NSUN4: variants seen among roughly 807,000 people sequenced by gnomAD.
NSUN4 encodes 5-cytosine rRNA methyltransferase NSUN4.
Under a neutral mutation model 43.8 loss-of-function variants are expected in NSUN4, and 31 were observed. The ratio of observed to expected loss-of-function variants is 0.71; its 90% CI spans 0.53 to 0.96. The LOEUF (loss-of-function observed/expected upper bound fraction) is 0.96, where lower values mean the gene tolerates loss of function less well. Ranked by LOEUF, NSUN4 falls within the 40% of genes least tolerant of loss-of-function variation. The pLI, the probability that NSUN4 is intolerant of heterozygous loss-of-function variation, is 0.00. For synonymous variants in NSUN4, 167 were observed against 184.1 expected (o/e 0.91, Z 0.75); for missense variants, 439 against 475.6 (o/e 0.92, Z 0.72).
rs1326461124 is a variant in NSUN4 at position 46,362,860 on chromosome 1, T to G, written c.*1014T>G. 6.6e-6 allele frequency: 1 copy of G among 152,148 alleles called. No homozygotes were observed. Among genetic ancestry groups the G allele is most frequent in the African/African-American group, 2.4e-5 (1 of 41,446 alleles). 9.4% of individuals were successfully genotyped at this position (152,148 alleles called of 1,614,324 possible). A position where few individuals can be genotyped will look rare whatever the true frequency, so the allele number is the denominator to read the frequency against. ...TGCACACACTGTGTTCAGGGCAAGA[T>G]TTCATCATTTACTGACTGCATACTC... On this transcript the variant is annotated 3_prime_UTR_variant, in exon 6 of 6. Transcript: ENST00000474844.
chr1:46,372,257 C>T, the NSUN4 span, among the ~76,000 whole-genome samples: 11 of 151,634 alleles, frequency 7.3e-5, no homozygotes, highest in African/African-American at 2.7e-4. Flanking sequence ...TCTCCTGCCT[C>T]AGCCTCCCAA....
At chr1:46,383,573 A>C in the NSUN4 span, among the ~76,000 whole-genome samples, 1 of 148,240 alleles carries the variant, frequency 6.7e-6, no homozygotes, top group Non-Finnish European at 1.5e-5. Flanking sequence ...CTCCTGCCTC[A>C]GCCTCCCGAG....
At chr1:46,377,758 G>A in the NSUN4 span, among the ~76,000 whole-genome samples, 3 of 152,098 alleles carry the variant, frequency 2.0e-5, no homozygotes, top group Non-Finnish European at 4.4e-5. Context: ...AGCATTTCCC[G>A]AACATTAAGT....
intron 1 of NSUN4, chr1:46,343,568 C>G (rs1662274835): frequency 2.5e-6 from 1 of 400,138 alleles, no homozygotes; most frequent in Non-Finnish European, 4.4e-6. Context: ...AAAGCCGGAG[C>G]CAAAGCAAGA....
intron 1 of NSUN4, chr1:46,341,211 T>G: frequency 1.7e-6 from 2 of 1,144,298 alleles, no homozygotes; most frequent in Non-Finnish European, 2.2e-6. Flanking sequence ...CCCAGCTGTG[T>G]CCACCTACCT....
At chr1:46,377,694 C>A in the NSUN4 span, among the ~76,000 whole-genome samples, 1 of 152,188 alleles carries the variant, frequency 6.6e-6, no homozygotes, top group Non-Finnish European at 1.5e-5. Flanking sequence ...GTTTTAGTCA[C>A]ACTTTTATTT....
At chr1:46,354,628 C>G (rs1663237387) in intron 4 of NSUN4, among the ~76,000 whole-genome samples, 1 of 151,538 alleles carries the variant, frequency 6.6e-6, no homozygotes, top group South Asian at 2.1e-4. Flanking sequence ...GACTTGCTTT[C>G]TGCCTGTGTA....
intron 4 of NSUN4, among the ~76,000 whole-genome samples, chr1:46,356,467 C>T (rs112036967): frequency 0.21 from 32,355 of 151,898 alleles, 4,037 homozygotes; most frequent in Non-Finnish European, 0.29. Context: ...CCAAGGCGGG[C>T]GGATCACGAG....
chr1:46,356,838 C>T (rs967687995), intron 4 of NSUN4, among the ~76,000 whole-genome samples: 1 of 152,126 alleles, frequency 6.6e-6, no homozygotes, highest in African/African-American at 2.4e-5. Context: ...AGACACTAAC[C>T]CCCCCATGTC....
the NSUN4 span, among the ~76,000 whole-genome samples, chr1:46,377,726 C>T: frequency 6.6e-6 from 1 of 152,098 alleles, no homozygotes; most frequent in Non-Finnish European, 1.5e-5. Context: ...ATAGTCCTTG[C>T]TATATGTCAG....
chr1:46,358,695 T>C (rs1010139125), intron 4 of NSUN4, among the ~76,000 whole-genome samples: 13 of 152,114 alleles, frequency 8.5e-5, no homozygotes, highest in Middle Eastern at 3.2e-3. Context: ...CCGCTGTGCC[T>C]GACACCTGTC....
chr1:46,352,030 G>A (rs1366082830), intron 3 of NSUN4, among the ~76,000 whole-genome samples: 2 of 151,530 alleles, frequency 1.3e-5, no homozygotes, highest in East Asian at 1.9e-4. Flanking sequence ...GTATCGCTAT[G>A]TTGCCCAGGC....
Position 46,361,570 on chromosome 1 carries a change from G to A in NSUN4, c.879G>A (p.Ala293=), listed in dbSNP as rs185791003. 6 of 1,613,288 alleles carry A rather than the reference G, an allele frequency of 3.7e-6. No homozygotes were observed. The highest frequency in any genetic ancestry group is 5.1e-6 in the Non-Finnish European group (6 of 1,179,490). Residue 293 remains alanine, a splice_region_variant and synonymous_variant, in exon 6 of 6, where the codon GCG becomes GCA. Coordinates refer to ENST00000474844, the MANE Select transcript of NSUN4 (RefSeq NM_199044.4). ...ILPVLQVQLL[A]AGLLATKPGG... is the part of the protein sequence containing the mutation. ...TGCTTCTGTCTCTTTCTGGTTTCAGGGCTGGACTCCTTGCCACCAAACCAG... is the reference window on the plus strand; with the variant it reads ...TGCTTCTGTCTCTTTCTGGTTTCAGAGCTGGACTCCTTGCCACCAAACCAG...
chr1:46,360,268 ATATATATATG>A (rs1427424515), intron 4 of NSUN4, among the ~76,000 whole-genome samples: 55 of 109,488 alleles, frequency 5.0e-4, no homozygotes, highest in East Asian at 5.0e-3. Context: ...ATATATATAT[ATATATATATG>A]TAAATTAGTC....
rs1187356223 is a variant in NSUN4 at position 46,363,801 on chromosome 1, A to G, written c.*1955A>G. The stretch of plus-strand genomic sequence containing the variant: ...AAATGAACTATAATGATACCTAACC[A>G]TATGGATGAATCTGAGCAATAAAAT... On this transcript the variant is annotated 3_prime_UTR_variant, in exon 6 of 6. Transcript: ENST00000474844. 1 of 152,542 alleles carries G rather than the reference A, an allele frequency of 6.6e-6. No individual in the cohort carries two copies. Among genetic ancestry groups the G allele is most frequent in the East Asian group, 1.9e-4 (1 of 5,200 alleles). 9.4% of individuals were successfully genotyped at this position (152,542 alleles called of 1,614,324 possible). A position where few individuals can be genotyped will look rare whatever the true frequency, so the allele number is the denominator to read the frequency against.
chr1:46,363,914 A>G lies in NSUN4; in HGVS notation c.*2068A>G, dbSNP rs1447609415. Reference sequence around the variant, plus strand: ...AAGGTTTTTTCTTTTCTATGGAGTTATTCTTTACATACAATATAGTTCATA... The same window carrying G: ...AAGGTTTTTTCTTTTCTATGGAGTTGTTCTTTACATACAATATAGTTCATA... On this transcript the variant is annotated 3_prime_UTR_variant, in exon 6 of 6. Transcript: ENST00000474844. The G allele has an allele frequency of 6.6e-6, 1 of 152,178 alleles. No homozygotes were observed. The highest frequency in any genetic ancestry group is 1.5e-5 in the Non-Finnish European group (1 of 68,018). 9.4% of individuals were successfully genotyped at this position (152,178 alleles called of 1,614,324 possible).
chr1:46,340,932 T>C lies in NSUN4; in HGVS notation c.93+13T>C. 6.2e-7 allele frequency: 1 copy of C among 1,607,008 alleles called. No homozygotes were observed. The highest frequency in any genetic ancestry group is 8.5e-7 in the Non-Finnish European group (1 of 1,175,844). On this transcript the variant is annotated intron_variant, in intron 1 of 5. Coordinates refer to ENST00000474844, the MANE Select transcript of NSUN4 (RefSeq NM_199044.4). ...TAAGAAGAAATGGGTAAGGTCCGGC[T>C]GGGGGCGCAGGAGGGAAAAGTGAGG...
At chr1:46,383,718 G>T in the NSUN4 span, among the ~76,000 whole-genome samples, 4 of 152,192 alleles carry the variant, frequency 2.6e-5, no homozygotes, top group Non-Finnish European at 5.9e-5. Context: ...GCCTCCCAAA[G>T]TGCTGGGATT....
chr1:46,377,693 A>G, the NSUN4 span, among the ~76,000 whole-genome samples: 29 of 152,200 alleles, frequency 1.9e-4, no homozygotes, highest in Non-Finnish European at 3.7e-4. Flanking sequence ...AGTTTTAGTC[A>G]CACTTTTATT....
Sources: allele counts gnomAD v4.1 joint callset (sites outside exome capture counted in the v4.1 genomes callset), GRCh38; gene constraint gnomAD v4.1.1; transcripts MANE v1.5; gene names NCBI Gene and HGNC (gene_info 2026-07-23, HGNC 2026-07-21).